EHBP1: variants seen among roughly 807,000 people sequenced by gnomAD.
EHBP1 encodes the protein EH domain-binding protein 1.
In EHBP1, 55 loss-of-function variants were observed where a neutral mutation model predicts 144.0. The observed-to-expected ratio is 0.38, with a 90% CI of 0.31 to 0.48. The LOEUF is 0.48. Among genes scored for constraint, EHBP1 ranks in the 20% least tolerant of loss-of-function variants. The probability of loss-of-function intolerance (pLI) is 0.98; values close to 1 mark genes in which losing one functional copy is unlikely to be tolerated. For synonymous variants in EHBP1, 469 were observed against 472.7 expected (o/e 0.99, Z 0.10); for missense variants, 1,200 against 1,364.2 (o/e 0.88, Z 1.90).
chr2:62,778,598 C>G (rs1365475266), intron 5 of EHBP1, among the ~76,000 whole-genome samples: 2 of 150,886 alleles, frequency 1.3e-5, no homozygotes, highest in Non-Finnish European at 3.0e-5. Flanking sequence ...TGCTTTGTTT[C>G]TTTTGTTGGA....
intron 7 of EHBP1, among the ~76,000 whole-genome samples, chr2:62,853,443 G>T (rs766060935): frequency 1.3e-5 from 2 of 152,202 alleles, no homozygotes; most frequent in Non-Finnish European, 2.9e-5. Flanking sequence ...CACTTCTAGT[G>T]CTGGTTCTCT....
chr2:62,965,449 T>C (rs2058204829), intron 14 of EHBP1, among the ~76,000 whole-genome samples: 1 of 152,190 alleles, frequency 6.6e-6, no homozygotes, highest in South Asian at 2.1e-4. Flanking sequence ...GAGAGTGAAA[T>C]TGAAATGTGG....
At chr2:62,717,882 G>A (rs1001142861) in intron 2 of EHBP1, among the ~76,000 whole-genome samples, 2 of 152,150 alleles carry the variant, frequency 1.3e-5, no homozygotes, top group Non-Finnish European at 2.9e-5. Flanking sequence ...GAGAGAGCAC[G>A]TATTACTAGG....
intron 5 of EHBP1, among the ~76,000 whole-genome samples, chr2:62,781,965 A>G (rs773557727): frequency 6.6e-6 from 1 of 152,202 alleles, no homozygotes; most frequent in Non-Finnish European, 1.5e-5. Flanking sequence ...TTTATGAAGC[A>G]TTTCTAAAGT....
chr2:62,827,835 T>G (rs2046454752), intron 6 of EHBP1, among the ~76,000 whole-genome samples: 1 of 152,042 alleles, frequency 6.6e-6, no homozygotes, highest in Admixed American at 6.6e-5. Flanking sequence ...ACCTGGCTAA[T>G]TTTGTATATT....
intron 19 of EHBP1, among the ~76,000 whole-genome samples, chr2:63,034,160 G>T (rs966379693): frequency 6.6e-6 from 1 of 151,838 alleles, no homozygotes; most frequent in African/African-American, 2.4e-5. Flanking sequence ...AAATGTTAAG[G>T]CTAAAACTAG....
chr2:62,835,924 C>A (rs1202389894), intron 7 of EHBP1, among the ~76,000 whole-genome samples: 2 of 152,034 alleles, frequency 1.3e-5, no homozygotes, highest in Non-Finnish European at 2.9e-5. Context: ...GAGGGGCGCC[C>A]GCCATTGCCC....
chr2:62,768,365 C>T (rs548513995), intron 4 of EHBP1, among the ~76,000 whole-genome samples: 1 of 152,228 alleles, frequency 6.6e-6, no homozygotes, highest in Admixed American at 6.5e-5. Flanking sequence ...GTGAAAATAA[C>T]CATCAGAAAC....
intron 2 of EHBP1, among the ~76,000 whole-genome samples, chr2:62,734,691 T>C (rs1309695188): frequency 6.6e-6 from 1 of 152,204 alleles, no homozygotes; most frequent in Non-Finnish European, 1.5e-5. Flanking sequence ...GTTACTGTTC[T>C]CTATTTGTTG....
intron 3 of EHBP1, among the ~76,000 whole-genome samples, chr2:62,749,483 T>C (rs2039470209): frequency 6.6e-6 from 1 of 152,236 alleles, no homozygotes; most frequent in African/African-American, 2.4e-5. Flanking sequence ...TGATTTATAA[T>C]GCTTTGGGTA....
intron 19 of EHBP1, among the ~76,000 whole-genome samples, chr2:63,024,601 C>CAAAAAA (rs35534053): frequency 9.3e-6 from 1 of 107,492 alleles, no homozygotes; most frequent in Non-Finnish European, 1.9e-5. Flanking sequence ...GACCCTGTCT[C>CAAAAAA]AAAAAAAAAA....
intron 8 of EHBP1, among the ~76,000 whole-genome samples, chr2:62,863,435 G>T (rs779987107): frequency 6.6e-6 from 1 of 151,964 alleles, no homozygotes; most frequent in African/African-American, 2.4e-5. Context: ...GAGTGAAACT[G>T]TGTCTCAAAA....
intron 12 of EHBP1, among the ~76,000 whole-genome samples, chr2:62,946,058 T>G (rs1264619759): frequency 6.6e-6 from 1 of 152,230 alleles, no homozygotes; most frequent in African/African-American, 2.4e-5. Context: ...TCCATTTTCT[T>G]ACATTTGAAC....
intron 2 of EHBP1, among the ~76,000 whole-genome samples, chr2:62,736,224 CTTTT>C (rs70962793): frequency 9.8e-6 from 1 of 102,244 alleles, no homozygotes; most frequent in Non-Finnish European, 2.1e-5. Context: ...TTCTCTTTGC[CTTTT>C]TTTTTTTTTT....
chr2:62,716,728 C>G (rs934555521), intron 2 of EHBP1, among the ~76,000 whole-genome samples: 1 of 152,184 alleles, frequency 6.6e-6, no homozygotes, highest in Non-Finnish European at 1.5e-5. Context: ...GACAAATAGT[C>G]TCTTGTGAGA....
In EHBP1 at chr2:63,009,712, A is replaced by G. The variant is rs547445674; in HGVS notation, c.3103+12946A>G. ...ACTGTTAGTCTTATGCAATCTATGT[A>G]TACATAGTACAATTTGTACTGCTGT... On this transcript the variant is annotated intron_variant, in intron 19 of 22. Coordinates refer to ENST00000431489, the MANE Select transcript of EHBP1 (RefSeq NM_001142616.3). 3.3e-5 allele frequency among the ~76,000 whole-genome samples: 5 copies of G among 151,650 alleles called. No homozygotes were observed. The East Asian group carries it at 9.7e-4, about 29-fold the overall frequency.
At chr2:63,031,077 G>A (rs563715145) in intron 19 of EHBP1, among the ~76,000 whole-genome samples, 8 of 152,246 alleles carry the variant, frequency 5.3e-5, no homozygotes, top group Admixed American at 1.3e-4. Context: ...GATTACAGGC[G>A]TGAGCCACTG....
intron 15 of EHBP1, among the ~76,000 whole-genome samples, chr2:62,987,565 A>T (rs2059248844): frequency 6.6e-6 from 1 of 152,212 alleles, no homozygotes; most frequent in Admixed American, 6.5e-5. Context: ...AAATTTAGAA[A>T]TATTTGATGA....
intron 5 of EHBP1, among the ~76,000 whole-genome samples, chr2:62,780,961 A>G (rs2042383175): frequency 6.6e-6 from 1 of 152,224 alleles, no homozygotes; most frequent in Admixed American, 6.5e-5. Context: ...CAAGTACTGC[A>G]ATAGTATAAA....
Sources: gnomAD v4.1 joint callset for allele counts (sites outside exome capture counted in the v4.1 genomes callset) on GRCh38, gnomAD v4.1.1 for gene constraint, MANE v1.5 for transcripts, NCBI Gene and HGNC (gene_info 2026-07-23, HGNC 2026-07-21) for gene names.